Variants in EPHX2 observed in about 807,000 individuals in gnomAD.
EPHX2 encodes the protein epoxide hydrolase 2.
EPHX2 carries 74 observed loss-of-function variants against 78.7 expected under a neutral mutation model. The ratio of observed to expected loss-of-function variants is 0.94; its 90% CI spans 0.78 to 1.14. EPHX2 has a LOEUF of 1.14. Among genes scored for constraint, EPHX2 ranks in the 50% most tolerant of loss-of-function variants. The probability of loss-of-function intolerance (pLI) is 0.00; values close to 1 mark genes in which losing one functional copy is unlikely to be tolerated. For synonymous variants in EPHX2, 251 were observed against 255.2 expected (o/e 0.98, Z 0.16); for missense variants, 715 against 702.5 (o/e 1.02, Z -0.20).
chr8:27,516,337 G>A lies in EPHX2; in HGVS notation c.849G>A (p.Gln283=), dbSNP rs2234913. ...TTTTCTAGATCCCTGCTCTGGCCCA[G>A]GCAGGTTACCGGGTCCTAGCTATGG... ...SWRYQIPALA[Q]AGYRVLAMDM... Residue 283 remains glutamine, a synonymous_variant, in exon 8 of 19, where the codon CAG becomes CAA. Coordinates refer to ENST00000521400, the MANE Select transcript of EPHX2 (RefSeq NM_001979.6). 4.9e-3 allele frequency: 7,851 copies of A among 1,614,056 alleles called. 30 individuals are homozygous for A. Among genetic ancestry groups the A allele is most frequent in the South Asian group, 8.9e-3 (810 of 91,072 alleles).
chr8:27,535,270 G>C (rs1056270255), intron 12 of EPHX2, among the ~76,000 whole-genome samples: 1 of 152,034 alleles, frequency 6.6e-6, no homozygotes, highest in Non-Finnish European at 1.5e-5. Flanking sequence ...TCTGCCTCCC[G>C]GGTCCAAGTG....
chr8:27,501,401 T>TTCTTCTTTC (rs1450988450), intron 2 of EPHX2, among the ~76,000 whole-genome samples: 1 of 123,112 alleles, frequency 8.1e-6, no homozygotes, highest in Non-Finnish European at 1.8e-5. Flanking sequence ...TTCTTTCTTC[T>TTCTTCTTTC]TTCTTCTTTC....
At chr8:27,546,365 A>T (rs1463857820), downstream of EPHX2, among the ~76,000 whole-genome samples, 2 of 152,220 alleles carry the variant, frequency 1.3e-5, no homozygotes, top group Admixed American at 1.3e-4. Flanking sequence ...AGGAAGTGCT[A>T]TGGAAGTATC....
At chr8:27,502,755 T>A (rs1451563718) in intron 2 of EPHX2, among the ~76,000 whole-genome samples, 2 of 152,204 alleles carry the variant, frequency 1.3e-5, no homozygotes, top group Admixed American at 1.3e-4. Context: ...CTCTTCTTAT[T>A]TGGGCACCAG....
At chr8:27,527,298 A>G (rs1242953731) in intron 12 of EPHX2, among the ~76,000 whole-genome samples, 12 of 152,066 alleles carry the variant, frequency 7.9e-5, no homozygotes, top group Non-Finnish European at 1.8e-4. Context: ...TCCTGGGCTC[A>G]GGTGATCCAC....
At position 27,522,433 on chromosome 8, in the gene EPHX2, A is replaced by G; in HGVS notation, c.983A>G (p.Gln328Arg). The G allele has an allele frequency of 6.2e-7, 1 of 1,613,996 alleles. No homozygotes were observed. Among genetic ancestry groups the G allele is most frequent in the Non-Finnish European group, 8.5e-7 (1 of 1,179,954 alleles). The change falls in exon 11 of 19, where the codon CAA (glutamine) becomes CGA (arginine). Residue 328 changes from glutamine (Q) to arginine (R), a missense_variant. By Grantham distance (43) the Gln-to-Arg change is conservative (BLOSUM62 1). Coordinates refer to ENST00000521400, the MANE Select transcript of EPHX2 (RefSeq NM_001979.6). ...TTTTTCCTTCTCTAGGGCCTCTCTC[A>G]AGCAGTGTTCATTGGCCATGACTGG... is the stretch of plus-strand genomic sequence containing the variant. ...VTFLDKLGLS[Q>R]AVFIGHDWGG...
chr8:27,503,614 T>C lies in EPHX2; in HGVS notation c.197T>C (p.Leu66Pro), dbSNP rs1404345355. 1.9e-6 allele frequency: 3 copies of C among 1,611,000 alleles called. No individual in the cohort carries two copies. Among genetic ancestry groups the C allele is most frequent in the Non-Finnish European group, 2.5e-6 (3 of 1,178,570 alleles). Residue 66 changes from leucine (L) to proline (P), a missense_variant, in exon 3 of 19, where the codon CTC becomes CCC. By Grantham distance (98) the Leu-to-Pro change is moderately conservative. Transcript: ENST00000521400. ...ACTTCACTTTGACAGTGGATACCAC[T>C]CATGGAAGAAAACTGCAGGAAGTGC... ...GEITLSQWIP[L>P]MEENCRKCSE...
chr8:27,533,652 A>T (rs1157847244), intron 12 of EPHX2, among the ~76,000 whole-genome samples: 2 of 152,178 alleles, frequency 1.3e-5, no homozygotes, highest in African/African-American at 4.8e-5. Flanking sequence ...CAGTGGCACA[A>T]TCATAACTCA....
Position 27,491,321 on chromosome 8 carries a change from C to T in EPHX2, c.101+12C>T. The T allele has an allele frequency of 6.8e-7, 1 of 1,473,864 alleles. No homozygotes were observed. The highest frequency in any genetic ancestry group is 2.7e-5 in the East Asian group (1 of 36,792). 91.3% of individuals were successfully genotyped at this position (1,473,864 alleles called of 1,614,324 possible). On this transcript the variant is annotated intron_variant, in intron 1 of 18. Transcript: ENST00000521400. The stretch of plus-strand genomic sequence containing the variant: ...CTGGCGCTGCCCAGGTAAGGGGGCC[C>T]AGCGCCGCCGCCGCAGTGGGTCGGG...
chr8:27,542,143 A>G (rs1815422578), intron 16 of EPHX2, among the ~76,000 whole-genome samples: 1 of 152,170 alleles, frequency 6.6e-6, no homozygotes, highest in South Asian at 2.1e-4. Context: ...CTCAGTAGCC[A>G]TGGTTACCTT....
chr8:27,528,790 A>AT (rs1008312938), intron 12 of EPHX2, among the ~76,000 whole-genome samples: 1 of 151,738 alleles, frequency 6.6e-6, no homozygotes, highest in African/African-American at 2.4e-5. Context: ...TCCCCCACTT[A>AT]TTTTTTTATT....
intron 12 of EPHX2, among the ~76,000 whole-genome samples, chr8:27,534,424 G>A (rs560060334): frequency 6.6e-6 from 1 of 152,282 alleles, no homozygotes; most frequent in African/African-American, 2.4e-5. Flanking sequence ...GCCGAGGCAG[G>A]CGGATCACTT....
chr8:27,547,649 TACTC>T (rs1336030026), downstream of EPHX2, among the ~76,000 whole-genome samples: 1 of 152,188 alleles, frequency 6.6e-6, no homozygotes, highest in Non-Finnish European at 1.5e-5. Flanking sequence ...CGCTAGAACT[TACTC>T]CTCCCATCTA....
intron 8 of EPHX2, among the ~76,000 whole-genome samples, chr8:27,516,861 T>G (rs1261105793): frequency 6.6e-6 from 1 of 152,132 alleles, no homozygotes; most frequent in Non-Finnish European, 1.5e-5. Flanking sequence ...CTTCTTTCAC[T>G]TAGCATAATG....
At chr8:27,531,706 T>C (rs1366162133) in intron 12 of EPHX2, among the ~76,000 whole-genome samples, 2 of 152,164 alleles carry the variant, frequency 1.3e-5, no homozygotes, top group Non-Finnish European at 2.9e-5. Flanking sequence ...GCAATTTGGC[T>C]TCAACAGCTG....
chr8:27,512,066 C>A, intron 6 of EPHX2, 156 bp downstream of exon 6: 1 of 578,048 alleles, frequency 1.7e-6, no homozygotes, highest in Non-Finnish European at 3.0e-6. Context: ...CCACTGTGCT[C>A]CAGCCTGGGC....
At chr8:27,531,952 G>A (rs1463686278) in intron 12 of EPHX2, among the ~76,000 whole-genome samples, 4 of 152,254 alleles carry the variant, frequency 2.6e-5, no homozygotes, top group Admixed American at 2.6e-4. Context: ...CCCTACCAGC[G>A]CTGAGTGGAA....
At chr8:27,493,608 G>T (rs1011067358) in intron 1 of EPHX2, among the ~76,000 whole-genome samples, 1 of 152,218 alleles carries the variant, frequency 6.6e-6, no homozygotes, top group Non-Finnish European at 1.5e-5. Context: ...TGGGCTGACA[G>T]ACTTGAGCTT....
chr8:27,536,818 G>A lies in EPHX2; in HGVS notation c.1205G>A (p.Ser402Asn). 6.2e-7 allele frequency: 1 copy of A among 1,601,576 alleles called. No individual in the cohort carries two copies. Among genetic ancestry groups the A allele is most frequent in the Non-Finnish European group, 8.5e-7 (1 of 1,172,000 alleles). ...VAEAELEQNL[S>N]RTFKSLFRAS... ...GAGGCTGAACTGGAACAGAACCTGA[G>A]TCGGACTTTCAAAAGCCTCTTCAGA... The change falls in exon 13 of 19, where the codon AGT becomes AAT. Residue 402 changes from serine to asparagine, a missense_variant. Physicochemically the swap from Ser to Asn is conservative, Grantham distance 46. Transcript: ENST00000521400.
Sources: allele counts gnomAD v4.1 joint callset (sites outside exome capture counted in the v4.1 genomes callset), GRCh38; gene constraint gnomAD v4.1.1; transcripts MANE v1.5; gene names NCBI Gene and HGNC (gene_info 2026-07-23, HGNC 2026-07-21).